TRAPPC9: variants seen among roughly 807,000 people sequenced by gnomAD.
The protein encoded by TRAPPC9 is trafficking protein particle complex subunit 9.
TRAPPC9 carries 83 observed loss-of-function variants against 124.0 expected under a neutral mutation model. That is an observed-to-expected ratio of 0.67 (90% CI 0.56 to 0.80). TRAPPC9 has a LOEUF of 0.80. Among genes scored for constraint, TRAPPC9 ranks in the 30% least tolerant of loss-of-function variants. The pLI is 0.00. For synonymous variants in TRAPPC9, 638 were observed against 617.5 expected (o/e 1.03, Z -0.49); for missense variants, 1,302 against 1,508.3 (o/e 0.86, Z 2.27).
At chr8:139,830,628 GCATA>G (rs769610243) in intron 21 of TRAPPC9, among the ~76,000 whole-genome samples, 95 of 150,962 alleles carry the variant, frequency 6.3e-4, no homozygotes, top group Non-Finnish European at 3.5e-4. Context: ...ACACACACAT[GCATA>G]CACAGATACA....
At chr8:139,983,094 T>A (rs1442365058) in intron 19 of TRAPPC9, among the ~76,000 whole-genome samples, 1 of 152,212 alleles carries the variant, frequency 6.6e-6, no homozygotes, top group Admixed American at 6.5e-5. Context: ...GGAATCCACA[T>A]GACTAGGATC....
chr8:140,436,998 C>A (rs755354382), intron 3 of TRAPPC9, among the ~76,000 whole-genome samples: 2 of 152,102 alleles, frequency 1.3e-5, no homozygotes, highest in African/African-American at 4.8e-5. Flanking sequence ...CAAAGTCTCA[C>A]TCTTGCTCAG....
At chr8:140,172,790 C>T (rs553373550) in intron 17 of TRAPPC9, among the ~76,000 whole-genome samples, 18 of 152,176 alleles carry the variant, frequency 1.2e-4, no homozygotes, top group African/African-American at 4.1e-4. Context: ...AAGAAAAGTA[C>T]TATCATTCCC....
chr8:140,291,892 G>C (rs1329639520), intron 11 of TRAPPC9, among the ~76,000 whole-genome samples: 1 of 152,216 alleles, frequency 6.6e-6, no homozygotes, highest in Non-Finnish European at 1.5e-5. Flanking sequence ...GGGATCACAG[G>C]AAATGAATGA....
At chr8:140,345,879 C>T (rs1166335736) in intron 9 of TRAPPC9, among the ~76,000 whole-genome samples, 3 of 152,164 alleles carry the variant, frequency 2.0e-5, no homozygotes, top group Non-Finnish European at 4.4e-5. Context: ...AGATGGACCA[C>T]CTGGGGCCTG....
At position 139,825,315 on chromosome 8, in the gene TRAPPC9, G is replaced by A. The variant is rs561637997; in HGVS notation, c.3055+60564C>T. On this transcript the variant is annotated intron_variant, in intron 21 of 22. Transcript: ENST00000438773. This position sits in a 1 kb window ranked among gnomAD's most constrained non-coding sequence, Gnocchi z 4.6. The stretch of plus-strand genomic sequence containing the variant: ...ACACTGGGTCCCACTCTTTCCCGCC[G>A]AATGGAGGAGAGGAGAAGCACAGGT... Among the ~76,000 whole-genome samples, 164 of 152,332 alleles carry A rather than the reference G, an allele frequency of 1.1e-3. 2 individuals are homozygous for A. In the Middle Eastern group the frequency reaches 0.02, roughly 19 times the overall value.
At chr8:140,035,029 G>C (rs534143241) in intron 17 of TRAPPC9, among the ~76,000 whole-genome samples, 3 of 152,220 alleles carry the variant, frequency 2.0e-5, no homozygotes, top group African/African-American at 7.2e-5. Context: ...AGATGCTCAC[G>C]GTTTTTCCCC....
intron 17 of TRAPPC9, among the ~76,000 whole-genome samples, chr8:140,033,874 G>T (rs1367517286): frequency 2.0e-5 from 3 of 151,744 alleles, no homozygotes; most frequent in African/African-American, 4.8e-5. Context: ...TAGAGACAGG[G>T]TTTCACCACG....
intron 21 of TRAPPC9, among the ~76,000 whole-genome samples, chr8:139,858,970 G>A (rs1201443945): frequency 6.7e-6 from 1 of 149,080 alleles, no homozygotes; most frequent in Non-Finnish European, 1.5e-5. Flanking sequence ...GGTGAAATTG[G>A]GCCCCGAGTT....
At chr8:140,311,209 AG>A (rs1192858958) in intron 10 of TRAPPC9, 38 bp downstream of exon 10, 1 of 1,604,938 alleles carries the variant, frequency 6.2e-7, no homozygotes. Context: ...GGTGTCCCAG[AG>A]GGCAGCTGCC....
At chr8:139,807,055 G>A (rs1824120391) in intron 21 of TRAPPC9, among the ~76,000 whole-genome samples, 1 of 152,212 alleles carries the variant, frequency 6.6e-6, no homozygotes, top group Non-Finnish European at 1.5e-5. Flanking sequence ...GAGGCAGGAG[G>A]AAGCCTGTCA....
At chr8:139,737,306 G>A (rs1291651009) in intron 21 of TRAPPC9, among the ~76,000 whole-genome samples, 1 of 152,190 alleles carries the variant, frequency 6.6e-6, no homozygotes. Flanking sequence ...ATCACAAGGT[G>A]AGCCCTAGAA....
intron 21 of TRAPPC9, among the ~76,000 whole-genome samples, chr8:139,762,024 C>A (rs760117170): frequency 1.3e-5 from 2 of 151,722 alleles, no homozygotes; most frequent in Non-Finnish European, 2.9e-5. Context: ...CTCTATAACC[C>A]GGCCCTGTCT....
intron 17 of TRAPPC9, among the ~76,000 whole-genome samples, chr8:140,103,597 GAA>G (rs1480569486): frequency 1.3e-5 from 2 of 152,196 alleles, no homozygotes; most frequent in African/African-American, 4.8e-5. Context: ...TGCTGCTGTT[GAA>G]AAGTCCTGAT....
At chr8:139,919,333 A>C (rs993152180) in intron 19 of TRAPPC9, among the ~76,000 whole-genome samples, 1 of 152,134 alleles carries the variant, frequency 6.6e-6, no homozygotes, top group African/African-American at 2.4e-5. Context: ...ATTGATTTGA[A>C]CCACTTGGCA....
chr8:140,440,723 G>A (rs1410635604), intron 2 of TRAPPC9, among the ~76,000 whole-genome samples: 1 of 152,014 alleles, frequency 6.6e-6, no homozygotes, highest in Non-Finnish European at 1.5e-5. Context: ...TTCAGTCGTA[G>A]GGAGAGGCAT....
intron 2 of TRAPPC9, among the ~76,000 whole-genome samples, chr8:140,449,171 C>T (rs1401051840): frequency 6.6e-6 from 1 of 152,200 alleles, no homozygotes; most frequent in Non-Finnish European, 1.5e-5. Context: ...TACTTACCAA[C>T]AACCAGAACG....
chr8:140,414,300 A>G (rs1293792761), intron 5 of TRAPPC9, among the ~76,000 whole-genome samples: 2 of 152,188 alleles, frequency 1.3e-5, no homozygotes, highest in Admixed American at 6.5e-5. Flanking sequence ...TTGGGAGGCT[A>G]AGGCAGGAAG....
rs73361104 is a variant in TRAPPC9, at chr8:140,104,518, G to C, written c.2557-80439C>G. On this transcript the variant is annotated intron_variant, in intron 17 of 22. Coordinates refer to ENST00000438773, the MANE Select transcript of TRAPPC9 (RefSeq NM_001160372.4). The surrounding 1 kb of genome is among the most constrained non-coding windows in gnomAD (Gnocchi z 4.0). ...ATGCAAGTAGTATGATGGCACGATG[G>C]GGGGAGCTGTGAACTAGCTAGGGAA... Among the ~76,000 whole-genome samples the C allele has an allele frequency of 1.2e-4, 19 of 152,286 alleles. No homozygotes were observed. The East Asian group carries it at 2.7e-3, about 22-fold the overall frequency.
Sources: allele counts gnomAD v4.1 joint callset (sites outside exome capture counted in the v4.1 genomes callset), GRCh38; gene constraint gnomAD v4.1.1; non-coding constraint Gnocchi (gnomAD v3.1); transcripts MANE v1.5; gene names NCBI Gene and HGNC (gene_info 2026-07-23, HGNC 2026-07-21).